CPED1: variants seen among roughly 807,000 people sequenced by gnomAD.
CPED1 encodes the protein cadherin-like and PC-esterase domain-containing protein 1.
Under a neutral mutation model 128.2 loss-of-function variants are expected in CPED1, and 114 were observed. The ratio of observed to expected loss-of-function variants is 0.89; its 90% CI spans 0.76 to 1.04. The LOEUF (loss-of-function observed/expected upper bound fraction) is 1.04. CPED1 is among the 50% of genes least tolerant of loss of function. The pLI is 0.00. For missense variants in CPED1, 1,211 were observed against 1,207.1 expected (o/e 1.00, Z -0.05); for synonymous variants, 462 against 426.7 (o/e 1.08, Z -1.02).
intron 16 of CPED1, among the ~76,000 whole-genome samples, chr7:121,171,326 A>T (rs1323533145): frequency 1.3e-5 from 2 of 152,242 alleles, no homozygotes; most frequent in African/African-American, 4.8e-5. Context: ...TAATAGAAGG[A>T]ATACTTTACA....
intron 2 of CPED1, among the ~76,000 whole-genome samples, chr7:121,003,897 G>T (rs1028228198): frequency 1.3e-5 from 2 of 152,286 alleles, no homozygotes; most frequent in Non-Finnish European, 2.9e-5. Context: ...GAGTAAGCAA[G>T]AAAACAGAAT....
chr7:121,131,582 C>G (rs1056218416), intron 12 of CPED1, among the ~76,000 whole-genome samples: 2 of 150,986 alleles, frequency 1.3e-5, no homozygotes, highest in African/African-American at 4.9e-5. Context: ...TTCTCAAGCT[C>G]CATGTATGTT....
rs372244732 is a variant in CPED1 at position 121,271,249 on chromosome 7, T to C, written c.2722-35T>C. The C allele has an allele frequency of 3.3e-5, 51 of 1,554,404 alleles. No homozygotes were observed. In the African/African-American group the frequency reaches 4.2e-4, roughly 13 times the overall value. ...ATTGAATCATAAAACAATCCTCTGG[T>C]AATAAAAATTCTCATTCTTCTGCTT... On this transcript the variant is annotated intron_variant, in intron 21 of 22. Transcript: ENST00000310396.
intron 7 of CPED1, among the ~76,000 whole-genome samples, chr7:121,117,333 T>C (rs2116288515): frequency 6.6e-6 from 1 of 151,916 alleles, no homozygotes; most frequent in African/African-American, 2.4e-5. Flanking sequence ...ACTAATGACC[T>C]CAGGTGATCC....
intron 18 of CPED1, among the ~76,000 whole-genome samples, chr7:121,264,718 GTGC>G (rs1462699141): frequency 4.6e-5 from 7 of 152,046 alleles, no homozygotes; most frequent in Non-Finnish European, 1.0e-4. Flanking sequence ...AAAAAAACAT[GTGC>G]ATGACTAATA....
intron 22 of CPED1, among the ~76,000 whole-genome samples, chr7:121,275,265 G>A (rs1265334014): frequency 6.6e-6 from 1 of 152,070 alleles, no homozygotes; most frequent in Non-Finnish European, 1.5e-5. Context: ...AAGAGAATAT[G>A]TTGCCACCAA....
chr7:121,073,138 A>C (rs772055357), intron 5 of CPED1, among the ~76,000 whole-genome samples: 1 of 152,200 alleles, frequency 6.6e-6, no homozygotes, highest in Non-Finnish European at 1.5e-5. Context: ...TAAAATAAAC[A>C]GTCAATTAAC....
At chr7:121,082,457 A>G (rs1794317135) in intron 5 of CPED1, among the ~76,000 whole-genome samples, 1 of 152,168 alleles carries the variant, frequency 6.6e-6, no homozygotes. Context: ...AGTATAATCA[A>G]AAAACATAAT....
At chr7:121,229,852 G>A (rs1798097861) in intron 16 of CPED1, among the ~76,000 whole-genome samples, 1 of 151,920 alleles carries the variant, frequency 6.6e-6, no homozygotes, top group African/African-American at 2.4e-5. Context: ...AACAGACCTT[G>A]AGAAGGAAAT....
chr7:121,197,033 A>G (rs1797288138), intron 16 of CPED1, among the ~76,000 whole-genome samples: 2 of 152,088 alleles, frequency 1.3e-5, no homozygotes, highest in Admixed American at 6.6e-5. Flanking sequence ...GCACACTAAA[A>G]TAATGTTCTT....
At chr7:121,108,359 C>T (rs1314174270) in intron 7 of CPED1, among the ~76,000 whole-genome samples, 1 of 152,070 alleles carries the variant, frequency 6.6e-6, no homozygotes, top group African/African-American at 2.4e-5. Flanking sequence ...ATGATTTCAG[C>T]ATTTGCCAGC....
At chr7:121,014,533 G>A (rs1341717850) in intron 2 of CPED1, among the ~76,000 whole-genome samples, 2 of 135,370 alleles carry the variant, frequency 1.5e-5, no homozygotes, top group African/African-American at 5.4e-5. Context: ...CTGGGCGACA[G>A]AGCGAGACTT....
At chr7:121,239,447 A>T (rs1334003356) in intron 17 of CPED1, among the ~76,000 whole-genome samples, 2 of 152,154 alleles carry the variant, frequency 1.3e-5, no homozygotes, top group Non-Finnish European at 2.9e-5. Context: ...AATTATTCTA[A>T]TTAGGAAAAA....
At chr7:121,153,298 G>C (rs949670615) in intron 16 of CPED1, among the ~76,000 whole-genome samples, 1 of 152,118 alleles carries the variant, frequency 6.6e-6, no homozygotes, top group African/African-American at 2.4e-5. Flanking sequence ...GAGAAAATGA[G>C]TCTTAGCCTA....
At chr7:121,253,551 G>C (rs1232100303) in intron 18 of CPED1, among the ~76,000 whole-genome samples, 1 of 151,994 alleles carries the variant, frequency 6.6e-6, no homozygotes, top group Non-Finnish European at 1.5e-5. Flanking sequence ...CTAATAAAAT[G>C]ATGACAGGAT....
At chr7:121,247,982 T>G (rs1319778477) in intron 18 of CPED1, among the ~76,000 whole-genome samples, 1 of 152,178 alleles carries the variant, frequency 6.6e-6, no homozygotes, top group Non-Finnish European at 1.5e-5. Context: ...CACAGCAGCC[T>G]CCACTGCACA....
At chr7:121,144,866 TAAAG>T (rs1018761538) in intron 16 of CPED1, among the ~76,000 whole-genome samples, 1 of 151,896 alleles carries the variant, frequency 6.6e-6, no homozygotes, top group African/African-American at 2.4e-5. Flanking sequence ...GCCAGATATA[TAAAG>T]AAATACTGTA....
intron 17 of CPED1, among the ~76,000 whole-genome samples, chr7:121,240,487 T>C (rs77634630): frequency 2.6e-5 from 4 of 152,156 alleles, no homozygotes; most frequent in Non-Finnish European, 5.9e-5. Context: ...TGCTTAAACA[T>C]AGTCTCTGTC....
chr7:121,006,601 A>C (rs977236978), intron 2 of CPED1, among the ~76,000 whole-genome samples: 2 of 152,036 alleles, frequency 1.3e-5, no homozygotes, highest in African/African-American at 2.4e-5. Context: ...GAATCACATC[A>C]AATTGTGTCA....
Sources: allele counts gnomAD v4.1 joint callset (sites outside exome capture counted in the v4.1 genomes callset), GRCh38; gene constraint gnomAD v4.1.1; transcripts MANE v1.5; gene names NCBI Gene and HGNC (gene_info 2026-07-23, HGNC 2026-07-21).